FGF7: variants seen among roughly 807,000 people sequenced by gnomAD.
FGF7 encodes fibroblast growth factor 7, also known as FGF-7.
In FGF7, 6 loss-of-function variants were observed where a neutral mutation model predicts 20.5. That is an observed-to-expected ratio of 0.29 (90% CI 0.16 to 0.58). The LOEUF (loss-of-function observed/expected upper bound fraction) is 0.58. FGF7 is among the 20% of genes least tolerant of loss of function. The pLI, the probability that FGF7 is intolerant of heterozygous loss-of-function variation, is 0.90. For synonymous variants in FGF7, 64 were observed against 74.7 expected, an observed-to-expected ratio of 0.86 and a Z score of 0.74; for missense variants, 144 against 228.8, an observed-to-expected ratio of 0.63 and a Z score of 2.39.
chr15:49,463,829 A>G (rs2054018610), intron 2 of FGF7, among the ~76,000 whole-genome samples: 1 of 152,286 alleles, frequency 6.6e-6, no homozygotes, highest in East Asian at 1.9e-4. Flanking sequence ...GTAAGGGGAA[A>G]ATTGTAAGTA....
At chr15:49,430,114 A>C (rs1567260308) in intron 2 of FGF7, among the ~76,000 whole-genome samples, 2 of 151,858 alleles carry the variant, frequency 1.3e-5, no homozygotes, top group Non-Finnish European at 2.9e-5. Context: ...CTCTCTGACA[A>C]ATCTTAGTGG....
intron 3 of FGF7, 148 bp from the exon 4 acceptor site, chr15:49,484,162 A>G: frequency 1.8e-6 from 1 of 558,746 alleles, no homozygotes; most frequent in East Asian, 3.1e-5. Flanking sequence ...AGTATAGCTA[A>G]TAAACCACAT....
intron 2 of FGF7, among the ~76,000 whole-genome samples, chr15:49,463,873 T>G (rs928648251): frequency 6.6e-6 from 1 of 152,180 alleles, no homozygotes; most frequent in Non-Finnish European, 1.5e-5. Flanking sequence ...AGAAATATCG[T>G]TTTTTAGACT....
chr15:49,436,792 CT>C (rs2051147093), intron 2 of FGF7, among the ~76,000 whole-genome samples: 1 of 151,562 alleles, frequency 6.6e-6, no homozygotes, highest in African/African-American at 2.4e-5. Context: ...TATCACTATA[CT>C]GTCACTGGTG....
At chr15:49,471,387 GGA>G (rs1227763185) in intron 2 of FGF7, among the ~76,000 whole-genome samples, 4 of 151,590 alleles carry the variant, frequency 2.6e-5, no homozygotes, top group East Asian at 3.9e-4. Flanking sequence ...GGAGGCTGAA[GGA>G]GGAGAATTGC....
intron 2 of FGF7, among the ~76,000 whole-genome samples, chr15:49,451,087 C>G (rs1022504814): frequency 1.3e-5 from 2 of 151,888 alleles, no homozygotes; most frequent in African/African-American, 4.8e-5. Context: ...CAGATATAAT[C>G]CCATGACCTA....
At chr15:49,460,149 C>A (rs1303452139) in intron 2 of FGF7, among the ~76,000 whole-genome samples, 1 of 152,014 alleles carries the variant, frequency 6.6e-6, no homozygotes, top group African/African-American at 2.4e-5. Flanking sequence ...AAGAGGCAAG[C>A]CCCAAGAGAG....
intron 2 of FGF7, among the ~76,000 whole-genome samples, chr15:49,467,200 A>G (rs1207075627): frequency 6.6e-6 from 1 of 152,144 alleles, no homozygotes; most frequent in Admixed American, 6.5e-5. Context: ...GCTGTCTCTG[A>G]ATTAGATAAA....
At chr15:49,454,711 G>A (rs1164122627) in intron 2 of FGF7, among the ~76,000 whole-genome samples, 1 of 152,184 alleles carries the variant, frequency 6.6e-6, no homozygotes, top group Non-Finnish European at 1.5e-5. Context: ...CCGAATTCAA[G>A]CGATTCTCCT....
intron 2 of FGF7, among the ~76,000 whole-genome samples, chr15:49,454,449 A>C (rs918599635): frequency 7.2e-5 from 11 of 152,194 alleles, no homozygotes; most frequent in African/African-American, 2.7e-4. Flanking sequence ...TTTATAGAAA[A>C]TATTTACCTA....
At position 49,470,599 on chromosome 15, in the gene FGF7, AATG is replaced by A. The variant is rs539809712; in HGVS notation, c.287-12549_287-12547del. On this transcript the variant is annotated intron_variant, in intron 2 of 3. Transcript: ENST00000267843. ...AATTCTCAAAATGACCTGTGTTTGA[AATG>A]ATATTTGACTTCTCTAACTTCTTTT... Among the ~76,000 whole-genome samples, 134 of 152,306 alleles carry A rather than the reference AATG, an allele frequency of 8.8e-4. 5 individuals carry two copies. The South Asian group carries it at 0.026, about 30-fold the overall frequency.
At position 49,445,571 on chromosome 15, in the gene FGF7, C is replaced by T. The variant is rs542992499; in HGVS notation, c.286+20988C>T. Among the ~76,000 whole-genome samples, 9 of 151,516 alleles carry T rather than the reference C, an allele frequency of 5.9e-5. No individual in the cohort carries two copies. In the East Asian group the frequency reaches 7.8e-4, roughly 13 times the overall value. ...TTGGTTCAGATAAATGTCTAGATCACGGACATACTAATTACCCTGCTCTGA... is the reference window on the plus strand; with the variant it reads ...TTGGTTCAGATAAATGTCTAGATCATGGACATACTAATTACCCTGCTCTGA... On this transcript the variant is annotated intron_variant, in intron 2 of 3. Coordinates refer to ENST00000267843, the MANE Select transcript of FGF7 (RefSeq NM_002009.4).
intron 2 of FGF7, among the ~76,000 whole-genome samples, chr15:49,429,514 A>G (rs1282206207): frequency 2.6e-5 from 4 of 151,818 alleles, no homozygotes; most frequent in Non-Finnish European, 4.4e-5. Flanking sequence ...CTGTACAATA[A>G]CTCTTTAACC....
At chr15:49,424,653 T>C in intron 2 of FGF7, 70 bp downstream of exon 2, 1 of 1,193,974 alleles carries the variant, frequency 8.4e-7, no homozygotes. Context: ...GGTGATATGT[T>C]TTCTCATCTT....
chr15:49,466,053 C>A (rs944941636), intron 2 of FGF7, among the ~76,000 whole-genome samples: 10 of 152,080 alleles, frequency 6.6e-5, no homozygotes, highest in African/African-American at 2.4e-4. Context: ...GAGGTGGGTG[C>A]TAATTAATAG....
intron 2 of FGF7, among the ~76,000 whole-genome samples, chr15:49,478,349 T>C (rs1257155095): frequency 2.0e-5 from 3 of 152,048 alleles, no homozygotes; most frequent in African/African-American, 7.2e-5. Context: ...TTTTTTCTTA[T>C]TGTTGTGTTT....
chr15:49,476,067 T>C (rs1227704371), intron 2 of FGF7, among the ~76,000 whole-genome samples: 1 of 152,172 alleles, frequency 6.6e-6, no homozygotes, highest in Non-Finnish European at 1.5e-5. Context: ...ATAGTACTTT[T>C]ATCTCTCAAT....
chr15:49,478,038 G>A (rs1211444449), intron 2 of FGF7, among the ~76,000 whole-genome samples: 19 of 152,272 alleles, frequency 1.2e-4, no homozygotes, highest in African/African-American at 2.4e-4. Flanking sequence ...GGTACTGAGC[G>A]TAGTACCTAA....
intron 2 of FGF7, among the ~76,000 whole-genome samples, chr15:49,452,001 T>C (rs1441307094): frequency 6.6e-6 from 1 of 152,092 alleles, no homozygotes; most frequent in Non-Finnish European, 1.5e-5. Flanking sequence ...TGATATCTTA[T>C]ATCACTACTT....
Sources: gnomAD v4.1 joint callset for allele counts (sites outside exome capture counted in the v4.1 genomes callset) on GRCh38, gnomAD v4.1.1 for gene constraint, MANE v1.5 for transcripts, NCBI Gene and HGNC (gene_info 2026-07-23, HGNC 2026-07-21) for gene names.